The following MIOS variants were observed in gnomAD, a reference collection of about 807,000 sequenced individuals.
MIOS encodes the protein meiosis regulator for oocyte development, also known as GATOR2 complex protein MIOS.
A neutral mutation model predicts 96.9 loss-of-function variants in MIOS; 52 were observed. The observed-to-expected ratio is 0.54, with a 90% CI of 0.43 to 0.68. MIOS has a LOEUF of 0.68. Ranked by LOEUF, MIOS falls within the 30% of genes least tolerant of loss-of-function variation. The probability of loss-of-function intolerance (pLI) is 0.00; values close to 1 mark genes in which losing one functional copy is unlikely to be tolerated. For missense variants in MIOS, 1,005 were observed against 1,052.8 expected, an observed-to-expected ratio of 0.95 and a Z score of 0.63; for synonymous variants, 397 against 359.5, an observed-to-expected ratio of 1.10 and a Z score of -1.18.
At chr7:7,570,694 A>T (rs991508610) in intron 3 of MIOS, among the ~76,000 whole-genome samples, 1 of 152,034 alleles carries the variant, frequency 6.6e-6, no homozygotes, top group Non-Finnish European at 1.5e-5. Context: ...GGAATGCACA[A>T]CCTAGATCCC....
In MIOS at chr7:7,572,566, G is replaced by A; in HGVS notation, c.91G>A (p.Glu31Lys). The change falls in exon 4 of 13, where the codon GAA (glutamate) becomes AAA (lysine). Residue 31 changes from glutamate (E) to lysine (K), a missense_variant. By Grantham distance (56) the Glu-to-Lys change is moderately conservative (BLOSUM62 1). This residue lies in a region of MIOS where 137 missense variants were observed against 148.6 expected (regional missense o/e 0.92). Transcript: ENST00000340080. This position sits in a 1 kb window ranked among gnomAD's most constrained non-coding sequence, Gnocchi z 4.8. Reference protein sequence around the residue: ...CDSELSLYHVESTVNSELKAG... With the variant: ...CDSELSLYHVKSTVNSELKAG... ...CTCAGAACTAAGTCTTTATCATGTG[G>A]AATCTACTGTGAATTCAGAACTCAA... is the stretch of plus-strand genomic sequence containing the variant. 6.2e-7 allele frequency: 1 copy of A among 1,614,060 alleles called. No homozygotes were observed. The highest frequency in any genetic ancestry group is 8.5e-7 in the Non-Finnish European group (1 of 1,179,968).
In MIOS at chr7:7,573,652, A is replaced by G; in HGVS notation, c.1177A>G (p.Lys393Glu). ...TTCTTTAGAAAAAGATATAGCAACGAAGATGCGTCTTCGGGCTTTATCAAG... is the reference window on the plus strand; with the variant it reads ...TTCTTTAGAAAAAGATATAGCAACGGAGATGCGTCTTCGGGCTTTATCAAG... ...DNSLEKDIAT[K>E]MRLRALSRYG... Residue 393 changes from lysine (K) to glutamate (E), a missense_variant, in exon 4 of 13, where the codon AAG (lysine) becomes GAG (glutamate). Transcript: ENST00000340080. This position sits in a 1 kb window ranked among gnomAD's most constrained non-coding sequence, Gnocchi z 5.0. The G allele has an allele frequency of 6.2e-7, 1 of 1,614,062 alleles. No individual in the cohort carries two copies. Among genetic ancestry groups the G allele is most frequent in the Middle Eastern group, 1.6e-4 (1 of 6,062 alleles).
chr7:7,586,717 A>G (rs1783897451), intron 7 of MIOS, among the ~76,000 whole-genome samples: 1 of 152,196 alleles, frequency 6.6e-6, no homozygotes, highest in Non-Finnish European at 1.5e-5. Flanking sequence ...CTTTTAATAA[A>G]TTACTATTGA....
chr7:7,604,821 G>A (rs188964230), intron 11 of MIOS, among the ~76,000 whole-genome samples: 81 of 152,240 alleles, frequency 5.3e-4, no homozygotes, highest in Middle Eastern at 3.4e-3. Context: ...TATGTTAGAA[G>A]TTACAAAAAC....
rs1322531538 is a variant in MIOS at position 7,585,673 on chromosome 7, G to A, written c.1686G>A (p.Ser562=). 6.9e-6 allele frequency: 11 copies of A among 1,602,734 alleles called. No individual in the cohort carries two copies. Among genetic ancestry groups the A allele is most frequent in the Admixed American group, 1.7e-5 (1 of 58,020 alleles). ...TCAATGTGGTAGCAATGGCTTTATCGGGTTATACGGATGAGAAGAACTCCC... is the reference window on the plus strand; with the variant it reads ...TCAATGTGGTAGCAATGGCTTTATCAGGTTATACGGATGAGAAGAACTCCC... ...LNLNVVAMAL[S]GYTDEKNSLW... Residue 562 remains serine (S), a synonymous_variant, in exon 7 of 13, where the codon TCG becomes TCA. Transcript: ENST00000340080.
intron 7 of MIOS, among the ~76,000 whole-genome samples, chr7:7,586,301 T>TA (rs1458979956): frequency 1.3e-5 from 2 of 152,184 alleles, no homozygotes; most frequent in African/African-American, 2.4e-5. Context: ...TAACAGTACT[T>TA]ACAGTGGACT....
intron 9 of MIOS, among the ~76,000 whole-genome samples, chr7:7,591,984 A>AT (rs10715476): frequency 1.1e-4 from 16 of 145,762 alleles, no homozygotes; most frequent in South Asian, 4.4e-4. Context: ...AAATTGGTTA[A>AT]TTTTTTTTTT....
At chr7:7,606,119 A>C in intron 12 of MIOS, 48 bp downstream of exon 12, 7 of 1,596,704 alleles carry the variant, frequency 4.4e-6, no homozygotes, top group Non-Finnish European at 6.0e-6. Context: ...ATGGGGGATA[A>C]CACAGATTGC....
Position 7,572,892 on chromosome 7 carries a change from CTT to C in MIOS, c.420_421del (p.Val142AlafsTer12). ...CTGGTTTAGATAAGCACAGAGCTGA[CTT>C]TTCAGTGCTAATATGGGATATCTGC... ...AAGLDKHRAD[F>X]SVLIWDICSK... is the part of the protein sequence containing the mutation. On this transcript the variant is annotated frameshift_variant, in exon 4 of 13. Transcript: ENST00000340080. LOFTEE classifies it high-confidence loss of function. The surrounding 1 kb of genome is among the most constrained non-coding windows in gnomAD (Gnocchi z 4.8). 3.1e-6 allele frequency: 5 copies of C among 1,614,150 alleles called. No homozygotes were observed. Among genetic ancestry groups the C allele is most frequent in the Non-Finnish European group, 4.2e-6 (5 of 1,180,006 alleles).
chr7:7,588,379 CTTA>C (rs1299226530), intron 7 of MIOS, 116 bp from the exon 8 acceptor site: 4 of 485,344 alleles, frequency 8.2e-6, no homozygotes, highest in African/African-American at 8.0e-5. Context: ...ATAAATATAA[CTTA>C]TTAATAAATT....
At chr7:7,571,862 G>C (rs1783366045) in intron 3 of MIOS, among the ~76,000 whole-genome samples, 1 of 152,200 alleles carries the variant, frequency 6.6e-6, no homozygotes, top group Non-Finnish European at 1.5e-5. Context: ...AATCTCCATT[G>C]TTCATTACGA....
intron 5 of MIOS, among the ~76,000 whole-genome samples, chr7:7,581,340 C>G (rs1355705618): frequency 1.3e-5 from 2 of 152,100 alleles, no homozygotes; most frequent in African/African-American, 4.8e-5. Context: ...TGTAATTTAA[C>G]TTGCAAATGA....
chr7:7,605,948 C>G lies in MIOS; in HGVS notation c.2408C>G (p.Thr803Ser). The change falls in exon 12 of 13, where the codon ACC (threonine) becomes AGC (serine). Residue 803 changes from threonine to serine, a missense_variant. Thr to Ser is a moderately conservative substitution (Grantham distance 58). Transcript: ENST00000340080. ...TCATTTTATTTTGTCATAGGAGGAA[C>G]CAAATCAGATGAAAAAGTGGACTTG... ...GTPVSSCPGG[T>S]KSDEKVDLSK... is the part of the protein sequence containing the mutation. 1.2e-6 allele frequency: 2 copies of G among 1,613,180 alleles called. No homozygotes were observed. The highest frequency in any genetic ancestry group is 1.7e-6 in the Non-Finnish European group (2 of 1,179,384).
In MIOS at chr7:7,607,137, G is replaced by A; in HGVS notation, c.*45G>A. On this transcript the variant is annotated 3_prime_UTR_variant, in exon 13 of 13. Coordinates refer to ENST00000340080, the MANE Select transcript of MIOS (RefSeq NM_019005.4). Reference sequence around the variant, plus strand: ...AACCCTTCAAGTGTGGAGCTTTCTAGTAGGTGTCCTTCATAGCTCAGAAAC... The same window carrying A: ...AACCCTTCAAGTGTGGAGCTTTCTAATAGGTGTCCTTCATAGCTCAGAAAC... The A allele has an allele frequency of 6.9e-7, 1 of 1,459,462 alleles. No homozygotes were observed. The highest frequency in any genetic ancestry group is 9.5e-7 in the Non-Finnish European group (1 of 1,056,372). The allele number at this position is 1,459,462 out of a possible 1,614,324, so 90.4% of individuals were successfully genotyped here.
intron 5 of MIOS, among the ~76,000 whole-genome samples, chr7:7,580,349 A>G (rs1365922360): frequency 2.0e-5 from 3 of 152,204 alleles, no homozygotes; most frequent in Non-Finnish European, 2.9e-5. Context: ...ATAAAGTAGC[A>G]TGCTCCTTCT....
chr7:7,589,849 A>C (rs890392836), intron 9 of MIOS, among the ~76,000 whole-genome samples: 1 of 152,178 alleles, frequency 6.6e-6, no homozygotes, highest in Non-Finnish European at 1.5e-5. Flanking sequence ...AGTTTCTCCA[A>C]TTGTTGACAT....
Position 7,572,851 on chromosome 7 carries a change from A to G in MIOS, c.376A>G (p.Ser126Gly), listed in dbSNP as rs748598127. The change falls in exon 4 of 13, where the codon AGT becomes GGT. Residue 126 changes from serine to glycine, a missense_variant. Ser to Gly is a moderately conservative substitution (Grantham distance 56). This residue lies in a region of MIOS where 137 missense variants were observed against 148.6 expected (regional missense o/e 0.92). Coordinates refer to ENST00000340080, the MANE Select transcript of MIOS (RefSeq NM_019005.4). This position sits in a 1 kb window ranked among gnomAD's most constrained non-coding sequence, Gnocchi z 4.8. ...TACCCTTGCCTGGAATCCACTGGAT[A>G]GTAACTGGCTAGCTGCTGGTTTAGA... ...CNTLAWNPLD[S>G]NWLAAGLDKH... is the part of the protein sequence containing the mutation. The G allele has an allele frequency of 1.9e-6, 3 of 1,614,204 alleles. No individual in the cohort carries two copies. Among genetic ancestry groups the G allele is most frequent in the South Asian group, 2.2e-5 (2 of 91,080 alleles).
intron 5 of MIOS, 69 bp downstream of exon 5, chr7:7,574,265 A>G: frequency 1.7e-6 from 2 of 1,149,364 alleles, no homozygotes; most frequent in South Asian, 1.5e-5. Context: ...GCCCCCTGTC[A>G]TTTGGCAGAA....
At chr7:7,593,303 A>T (rs1319768374) in intron 9 of MIOS, among the ~76,000 whole-genome samples, 1 of 152,154 alleles carries the variant, frequency 6.6e-6, no homozygotes, top group East Asian at 1.9e-4. Flanking sequence ...CTTTTAGCTA[A>T]ATTTAACTCT....
Sources: gnomAD v4.1 joint callset for allele counts (sites outside exome capture counted in the v4.1 genomes callset) on GRCh38, gnomAD v4.1.1 for gene constraint, gnomAD v4.1.1 regional missense constraint, Gnocchi (gnomAD v3.1) non-coding constraint, MANE v1.5 for transcripts, NCBI Gene and HGNC (gene_info 2026-07-23, HGNC 2026-07-21) for gene names.